Variants in HERC3 observed in about 807,000 individuals in gnomAD.
HERC3 encodes the protein HECT and RLD domain containing E3 ubiquitin protein ligase 3, also known as probable E3 ubiquitin-protein ligase HERC3.
In HERC3, 58 loss-of-function variants were observed where a neutral mutation model predicts 129.9. That is an observed-to-expected ratio of 0.45 (90% CI 0.36 to 0.56). The LOEUF is 0.56. Ranked by LOEUF, HERC3 falls within the 20% of genes least tolerant of loss-of-function variation. HERC3 has a pLI of 0.00. For missense variants in HERC3, 835 were observed against 1,244.2 expected (o/e 0.67, Z 4.95); for synonymous variants, 430 against 451.0 (o/e 0.95, Z 0.59).
chr4:88,678,434 A>G (rs1176163493), intron 19 of HERC3, among the ~76,000 whole-genome samples: 1 of 152,222 alleles, frequency 6.6e-6, no homozygotes, highest in Non-Finnish European at 1.5e-5. Flanking sequence ...GAAAGCTTTG[A>G]CTAATTACCA....
At position 88,655,914 on chromosome 4, in the gene HERC3, C is replaced by G; in HGVS notation, c.948C>G (p.Ile316Met). The change falls in exon 9 of 26, where the codon ATC becomes ATG. Residue 316 changes from isoleucine (I) to methionine (M), a missense_variant. Ile to Met is a conservative substitution (Grantham distance 10). Transcript: ENST00000402738. ...CCTTCGTGCCTTCTTCTGGACTCATCTATGCATTTGGTTGTGGAGCAAGAG... is the reference window on the plus strand; with the variant it reads ...CCTTCGTGCCTTCTTCTGGACTCATGTATGCATTTGGTTGTGGAGCAAGAG... ...TLAFVPSSGL[I>M]YAFGCGARGQ... 1 of 1,614,082 alleles carries G rather than the reference C, an allele frequency of 6.2e-7. No homozygotes were observed. Among genetic ancestry groups the G allele is most frequent in the South Asian group, 1.1e-5 (1 of 91,082 alleles).
At chr4:88,540,281 G>A in the HERC3 span, among the ~76,000 whole-genome samples, 2 of 152,174 alleles carry the variant, frequency 1.3e-5, no homozygotes, top group South Asian at 2.1e-4. Flanking sequence ...ACCACAGTGC[G>A]AGAACTTCGT....
chr4:88,664,920 A>G (rs2149293064), intron 12 of HERC3, among the ~76,000 whole-genome samples: 1 of 152,296 alleles, frequency 6.6e-6, no homozygotes, highest in African/African-American at 2.4e-5. Context: ...TCCCTTCTGC[A>G]AATATCTCCC....
chr4:88,628,351 A>G (rs1363695070), intron 3 of HERC3, among the ~76,000 whole-genome samples: 1 of 152,184 alleles, frequency 6.6e-6, no homozygotes, highest in African/African-American at 2.4e-5. Context: ...CCTGATATAA[A>G]TAACTTTAGC....
At chr4:88,686,874 A>C in intron 22 of HERC3, 72 bp downstream of exon 22, 2 of 1,098,612 alleles carry the variant, frequency 1.8e-6, no homozygotes, top group Admixed American at 1.8e-5. Flanking sequence ...ATTTAACATT[A>C]GTTCTTCTTC....
chr4:88,603,224 T>TTTTG (rs1723216073), intron 2 of HERC3, among the ~76,000 whole-genome samples: 1 of 150,496 alleles, frequency 6.6e-6, no homozygotes, highest in Non-Finnish European at 1.5e-5. Context: ...TTTTTTTTTT[T>TTTTG]GAGGTGGAGT....
intron 23 of HERC3, among the ~76,000 whole-genome samples, chr4:88,695,002 T>C (rs184758415): frequency 3.3e-5 from 5 of 152,304 alleles, no homozygotes; most frequent in Non-Finnish European, 7.4e-5. Context: ...CCAATACTTA[T>C]GCCTCTTAGT....
the HERC3 span, among the ~76,000 whole-genome samples, chr4:88,573,009 A>G: frequency 4.6e-5 from 7 of 152,210 alleles, no homozygotes. Flanking sequence ...CTATGGAGCA[A>G]AACAATACAA....
upstream of HERC3, among the ~76,000 whole-genome samples, chr4:88,588,556 A>G (rs1176513276): frequency 6.6e-6 from 1 of 152,176 alleles, no homozygotes; most frequent in Non-Finnish European, 1.5e-5. Context: ...TTTCCCTCCT[A>G]AAGATATTTA....
the HERC3 span, among the ~76,000 whole-genome samples, chr4:88,525,726 C>G: frequency 1.3e-5 from 2 of 152,182 alleles, no homozygotes; most frequent in African/African-American, 4.8e-5. Context: ...ATGACTATCA[C>G]CATGTGTGTA....
chr4:88,650,028 T>A (rs768776099), intron 4 of HERC3, 29 bp downstream of exon 4: 2 of 1,598,292 alleles, frequency 1.3e-6, no homozygotes, highest in Non-Finnish European at 1.7e-6. Context: ...GTCAGTCGTT[T>A]TAAATGCTAT....
the HERC3 span, among the ~76,000 whole-genome samples, chr4:88,551,871 CTT>C: frequency 6.6e-6 from 1 of 152,120 alleles, no homozygotes; most frequent in African/African-American, 2.4e-5. Context: ...ATAGCAAAGA[CTT>C]GGAACAAACC....
At chr4:88,686,889 C>G in intron 22 of HERC3, 87 bp downstream of exon 22, 1 of 1,053,650 alleles carries the variant, frequency 9.5e-7, no homozygotes, top group Non-Finnish European at 1.5e-6. Flanking sequence ...TTCTTCAAAT[C>G]ATAGAAAAAA....
chr4:88,593,665 G>A (rs1207716445), intron 1 of HERC3, among the ~76,000 whole-genome samples: 1 of 152,166 alleles, frequency 6.6e-6, no homozygotes, highest in Non-Finnish European at 1.5e-5. Context: ...CGATTCAAGA[G>A]CTCTCTTCCA....
chr4:88,580,990 A>G, the HERC3 span, among the ~76,000 whole-genome samples: 2 of 152,234 alleles, frequency 1.3e-5, no homozygotes, highest in Non-Finnish European at 1.5e-5. Flanking sequence ...AACTTTCATC[A>G]GATTCCTGAA....
intron 3 of HERC3, among the ~76,000 whole-genome samples, chr4:88,635,557 G>C (rs139110513): frequency 1.3e-5 from 2 of 152,226 alleles, no homozygotes; most frequent in African/African-American, 4.8e-5. Flanking sequence ...AGGGAGAATG[G>C]AACCAAGTTG....
At chr4:88,694,812 GT>G (rs1188627826) in intron 23 of HERC3, among the ~76,000 whole-genome samples, 1 of 152,058 alleles carries the variant, frequency 6.6e-6, no homozygotes, top group African/African-American at 2.4e-5. Flanking sequence ...TTTTATAAAT[GT>G]TTTGATTTCT....
At chr4:88,574,630 A>G in the HERC3 span, among the ~76,000 whole-genome samples, 1 of 152,126 alleles carries the variant, frequency 6.6e-6, no homozygotes, top group African/African-American at 2.4e-5. Flanking sequence ...GTCTTTATAA[A>G]CTTGACTGCT....
Position 88,677,952 on chromosome 4 carries a change from G to A in HERC3, c.2026-12G>A, listed in dbSNP as rs749480396. 4.3e-6 allele frequency: 7 copies of A among 1,609,448 alleles called. No individual in the cohort carries two copies. The South Asian group carries it at 4.4e-5, about 10-fold the overall frequency. On this transcript the variant is annotated splice_polypyrimidine_tract_variant and intron_variant, in intron 18 of 25. Transcript: ENST00000402738. ...GCTCTGAGTAATTGCTTTCTTGACT[G>A]TGCCATTCCAGGTGGCAGTCAATGG...
Sources: gnomAD v4.1 joint callset for allele counts (sites outside exome capture counted in the v4.1 genomes callset) on GRCh38, gnomAD v4.1.1 for gene constraint, MANE v1.5 for transcripts, NCBI Gene and HGNC (gene_info 2026-07-23, HGNC 2026-07-21) for gene names.